The following NUP98 variants were observed in gnomAD, a reference collection of about 807,000 sequenced individuals.
NUP98 encodes the protein nuclear pore complex protein Nup98-Nup96.
A neutral mutation model predicts 191.9 loss-of-function variants in NUP98; 26 were observed. That is an observed-to-expected ratio of 0.14 (90% CI 0.10 to 0.19). The LOEUF is 0.19. NUP98 is among the 10% of genes least tolerant of loss of function. NUP98 has a pLI of 1.00. For synonymous variants in NUP98, 808 were observed against 778.4 expected (o/e 1.04, Z -0.63); for missense variants, 1,941 against 2,178.8 (o/e 0.89, Z 2.17).
In NUP98 at chr11:3,771,822, G is replaced by A. The variant is rs1384669048; in HGVS notation, c.710C>T (p.Ala237Val). The A allele has an allele frequency of 6.2e-7, 1 of 1,614,084 alleles. No homozygotes were observed. The highest frequency in any genetic ancestry group is 1.3e-5 in the African/African-American group (1 of 74,940). ...LFGSSPATSS[A>V]TGLFSSSTTN... ...GGTGGAGGAGCTGAAGAGTCCTGTT[G>A]CGCTGGAAGTGGCTGGAGAAGACCC... is the stretch of plus-strand genomic sequence containing the variant. Residue 237 changes from alanine to valine, a missense_variant, in exon 7 of 33, where the codon GCA (alanine) becomes GTA (valine). Coordinates refer to ENST00000324932, the MANE Select transcript of NUP98 (RefSeq NM_016320.5).
intron 20 of NUP98, among the ~76,000 whole-genome samples, chr11:3,709,056 C>G (rs1353668171): frequency 6.6e-6 from 1 of 152,140 alleles, no homozygotes; most frequent in African/African-American, 2.4e-5. Flanking sequence ...CTGCCAATAC[C>G]TAACGATACA....
chr11:3,797,074 C>G (rs866355658), intron 1 of NUP98, among the ~76,000 whole-genome samples: 1 of 152,250 alleles, frequency 6.6e-6, no homozygotes, highest in South Asian at 2.1e-4. Flanking sequence ...GGCGCTGACC[C>G]CGGAAAGGCC....
chr11:3,691,338 C>T lies in NUP98; in HGVS notation c.4454+9G>A. On this transcript the variant is annotated intron_variant, in intron 28 of 32. Coordinates refer to ENST00000324932, the MANE Select transcript of NUP98 (RefSeq NM_016320.5). ...ACTCAAGTGACAATAAAGCCTGGCTCTCATTTACCTGTCACTGTAGAGTTT... is the reference window on the plus strand; with the variant it reads ...ACTCAAGTGACAATAAAGCCTGGCTTTCATTTACCTGTCACTGTAGAGTTT... The T allele has an allele frequency of 2.5e-6, 4 of 1,614,046 alleles. No homozygotes were observed. Among genetic ancestry groups the T allele is most frequent in the South Asian group, 1.1e-5 (1 of 91,068 alleles).
At chr11:3,785,486 C>T (rs1268524187) in intron 1 of NUP98, among the ~76,000 whole-genome samples, 2 of 152,102 alleles carry the variant, frequency 1.3e-5, no homozygotes, top group African/African-American at 2.4e-5. Flanking sequence ...AGGCTGGATG[C>T]GGTGGCTCAT....
chr11:3,720,975 A>AGAGTGTGTGTGT (rs142023494), intron 16 of NUP98, 150 bp from the exon 17 acceptor site: 15 of 324,496 alleles, frequency 4.6e-5, no homozygotes, highest in African/African-American at 2.7e-4. Flanking sequence ...GGGGTGTGTG[A>AGAGTGTGTGTGT]GTGTGTGTGT....
chr11:3,776,106 GC>G (rs771006538), intron 4 of NUP98, 85 bp from the exon 5 acceptor site: 237 of 941,934 alleles, frequency 2.5e-4, no homozygotes, highest in Non-Finnish European at 3.6e-4. Flanking sequence ...TATGGCACTA[GC>G]ATCACAGTAC....
At chr11:3,736,988 G>A (rs2080088899) in intron 12 of NUP98, among the ~76,000 whole-genome samples, 1 of 152,076 alleles carries the variant, frequency 6.6e-6, no homozygotes. Context: ...AGAGAATTTA[G>A]GGAACAGACA....
At position 3,702,589 on chromosome 11, in the gene NUP98, C is replaced by T; in HGVS notation, c.3386G>A (p.Gly1129Asp). 6.2e-7 allele frequency: 1 copy of T among 1,614,102 alleles called. No homozygotes were observed. The highest frequency in any genetic ancestry group is 8.5e-7 in the Non-Finnish European group (1 of 1,180,038). The change falls in exon 23 of 33, where the codon GGT (glycine) becomes GAT (aspartate). Residue 1129 changes from glycine (G) to aspartate (D), a missense_variant. This residue lies in a region of NUP98 where 1,030 missense variants were observed against 1,115.8 expected (regional missense o/e 0.92). Coordinates refer to ENST00000324932, the MANE Select transcript of NUP98 (RefSeq NM_016320.5). ...ALFMGRSFRV[G>D]WGPNWTLANS... ...AGCAAGAGTCCAGTTGGGGCCCCAA[C>T]CAACACGAAATGAGCGTCCCATGAA...
chr11:3,740,904 C>T (rs940464254), intron 12 of NUP98, among the ~76,000 whole-genome samples: 12 of 151,634 alleles, frequency 7.9e-5, no homozygotes, highest in African/African-American at 2.4e-4. Flanking sequence ...GTGCAACTTC[C>T]GCCTCCCAGG....
chr11:3,762,498 T>C (rs1202718104), intron 9 of NUP98, among the ~76,000 whole-genome samples: 3 of 152,116 alleles, frequency 2.0e-5, no homozygotes, highest in African/African-American at 7.2e-5. Flanking sequence ...ATTTCAACAA[T>C]TTGATCAACC....
Position 3,712,721 on chromosome 11 carries a change from T to C in NUP98, c.2585A>G (p.His862Arg), listed in dbSNP as rs759389120. The change falls in exon 20 of 33, where the codon CAT becomes CGT. Residue 862 changes from histidine (H) to arginine (R), a missense_variant. His to Arg is a conservative substitution (Grantham distance 29). Around this residue, in one of 6 missense-constraint regions of NUP98, gnomAD observed 95 missense variants for 139.7 expected, o/e 0.68. Coordinates refer to ENST00000324932, the MANE Select transcript of NUP98 (RefSeq NM_016320.5). ...ETGSWVFKVS[H>R]FSKYGLQDSD... ...ATCCTGAAGGCCATACTTAGAAAAA[T>C]GGGAGACCTAAGGAAGAGAAGAACC... 6.2e-7 allele frequency: 1 copy of C among 1,612,540 alleles called. No individual in the cohort carries two copies. Among genetic ancestry groups the C allele is most frequent in the South Asian group, 1.1e-5 (1 of 90,960 alleles).
At chr11:3,699,621 A>G (rs911920000) in intron 24 of NUP98, among the ~76,000 whole-genome samples, 1 of 152,224 alleles carries the variant, frequency 6.6e-6, no homozygotes, top group Non-Finnish European at 1.5e-5. Context: ...AAGCCTAATT[A>G]TGGCTAGTGT....
At chr11:3,736,582 C>T (rs1252108441) in intron 12 of NUP98, among the ~76,000 whole-genome samples, 2 of 152,160 alleles carry the variant, frequency 1.3e-5, no homozygotes, top group Non-Finnish European at 2.9e-5. Context: ...GAGCCGAGAT[C>T]GCGCCACTGC....
intron 2 of NUP98, among the ~76,000 whole-genome samples, chr11:3,780,771 A>T (rs1461640896): frequency 6.6e-6 from 1 of 151,648 alleles, no homozygotes; most frequent in Non-Finnish European, 1.5e-5. Flanking sequence ...TCTCACCTCT[A>T]CAAAAAATTT....
chr11:3,675,106 T>C lies in NUP98; in HGVS notation c.*1053A>G, dbSNP rs562295045. The C allele has an allele frequency of 1.1e-5, 2 of 183,076 alleles. No homozygotes were observed. The highest frequency in any genetic ancestry group is 1.2e-4 in the Admixed American group (2 of 16,002). The allele number at this position is 183,076 out of a possible 1,614,324, so 11.3% of individuals were successfully genotyped here. ...ATCATTTATTTATACATATATATAT[T>C]TTTTAATAAAAACCTTTACATTATC... is the stretch of plus-strand genomic sequence containing the variant. On this transcript the variant is annotated 3_prime_UTR_variant, in exon 33 of 33. Transcript: ENST00000324932.
intron 11 of NUP98, among the ~76,000 whole-genome samples, chr11:3,744,879 T>C (rs1465571421): frequency 1.3e-5 from 2 of 152,250 alleles, no homozygotes; most frequent in Non-Finnish European, 2.9e-5. Context: ...TCCTCAATTA[T>C]AACATGAAGT....
At chr11:3,711,520 AC>A (rs2079022593) in intron 20 of NUP98, 1 of 153,118 alleles carries the variant, frequency 6.5e-6, no homozygotes, top group East Asian at 1.8e-4. Flanking sequence ...CCTACATATT[AC>A]TTTTGTTACA....
chr11:3,767,112 G>A (rs563647583), intron 8 of NUP98, among the ~76,000 whole-genome samples: 2 of 152,030 alleles, frequency 1.3e-5, no homozygotes, highest in South Asian at 4.2e-4. Context: ...TTAGTCACCC[G>A]CCACCCAGCC....
chr11:3,744,735 A>G, intron 11 of NUP98, 86 bp from the exon 12 acceptor site: 3 of 1,451,636 alleles, frequency 2.1e-6, no homozygotes, highest in Admixed American at 2.4e-5. Flanking sequence ...AATATAATAC[A>G]TTTGGAAACT....
Sources: allele counts gnomAD v4.1 joint callset (sites outside exome capture counted in the v4.1 genomes callset), GRCh38; gene constraint gnomAD v4.1.1; regional missense constraint gnomAD v4.1.1; transcripts MANE v1.5; gene names NCBI Gene and HGNC (gene_info 2026-07-23, HGNC 2026-07-21).